MYLK: variants seen among roughly 807,000 people sequenced by gnomAD.
The protein encoded by MYLK is myosin light chain kinase.
MYLK carries 106 observed loss-of-function variants against 203.4 expected under a neutral mutation model. The observed-to-expected ratio is 0.52, with a 90% CI of 0.45 to 0.61. The LOEUF is 0.61. Ranked by LOEUF, MYLK falls within the 20% of genes least tolerant of loss-of-function variation. The probability of loss-of-function intolerance (pLI) is 0.00; values close to 1 mark genes in which losing one functional copy is unlikely to be tolerated. For synonymous variants in MYLK, 867 were observed against 959.5 expected (o/e 0.90, Z 1.78); for missense variants, 2,072 against 2,442.3 (o/e 0.85, Z 3.20).
In MYLK at chr3:123,685,947, G is replaced by A. The variant is rs370617965; in HGVS notation, c.3566-3637C>T. On this transcript the variant is annotated intron_variant, in intron 19 of 33. Transcript: ENST00000360304. ...AGACTCGGAGCCCCAGGGGGTGGCC[G>A]CGCTCCACTTGAAGTGTCAGCACGG... Among the ~76,000 whole-genome samples the A allele has an allele frequency of 6.0e-3, 910 of 152,250 alleles. 13 individuals are homozygous for A. The highest frequency in any genetic ancestry group is 0.021 in the African/African-American group (869 of 41,548).
At chr3:123,768,348 C>T (rs1305944719) in intron 4 of MYLK, among the ~76,000 whole-genome samples, 3 of 152,216 alleles carry the variant, frequency 2.0e-5, no homozygotes, top group African/African-American at 7.2e-5. Context: ...GTTTCTTCTG[C>T]CCCTGGGAAG....
chr3:123,878,559 G>A (rs1259172178), intron 1 of MYLK, among the ~76,000 whole-genome samples: 1 of 152,204 alleles, frequency 6.6e-6, no homozygotes, highest in African/African-American at 2.4e-5. Context: ...TAGAGAAGCA[G>A]GTGGGCAGAT....
At chr3:123,874,480 A>G (rs184816529) in intron 2 of MYLK, among the ~76,000 whole-genome samples, 1 of 152,300 alleles carries the variant, frequency 6.6e-6, no homozygotes, top group Admixed American at 6.5e-5. Flanking sequence ...ATGTATAAAA[A>G]TTAACTTAAA....
At chr3:123,721,814 G>A (rs2062097991) in intron 13 of MYLK, among the ~76,000 whole-genome samples, 2 of 147,084 alleles carry the variant, frequency 1.4e-5, no homozygotes, top group African/African-American at 4.9e-5. Flanking sequence ...CATGGCCCCA[G>A]TGGAGTGAGG....
rs749436978 is a variant in MYLK at position 123,793,724 on chromosome 3, G to A, written c.118C>T (p.Arg40Trp). 9.3e-6 allele frequency: 15 copies of A among 1,614,034 alleles called. No homozygotes were observed. Among genetic ancestry groups the A allele is most frequent in the African/African-American group, 6.7e-5 (5 of 74,924 alleles). ...TEAPAFILPPRNLCIKEGATA... is the reference protein window; with the variant it reads ...TEAPAFILPPWNLCIKEGATA... ...GCTCCTTCTTTGATGCAGAGGTTCC[G>A]AGGGGGCAAAATGAAAGCAGGGGCC... The change falls in exon 4 of 34, where the codon CGG becomes TGG. Residue 40 changes from arginine (R) to tryptophan (W), a missense_variant. Physicochemically the swap from Arg to Trp is moderately radical, Grantham distance 101. Around this residue, in one of 3 missense-constraint regions of MYLK, gnomAD observed 683 missense variants for 643.8 expected, o/e 1.06. Transcript: ENST00000360304.
rs2061665698 is a variant in MYLK at position 123,710,866 on chromosome 3, C to T, written c.1805-973G>A. ...AGTAAAACAAATTGTGATATATCCACACAATGGAATATTACTCAGCAACAC... is the reference window on the plus strand; with the variant it reads ...AGTAAAACAAATTGTGATATATCCATACAATGGAATATTACTCAGCAACAC... On this transcript the variant is annotated intron_variant, in intron 13 of 33. Coordinates refer to ENST00000360304, the MANE Select transcript of MYLK (RefSeq NM_053025.4). Among the ~76,000 whole-genome samples, 9 of 152,282 alleles carry T rather than the reference C, an allele frequency of 5.9e-5. No individual in the cohort carries two copies. The South Asian group carries it at 1.9e-3, about 32-fold the overall frequency.
intron 4 of MYLK, among the ~76,000 whole-genome samples, chr3:123,757,462 C>A (rs2108906299): frequency 6.6e-6 from 1 of 152,278 alleles, no homozygotes; most frequent in Middle Eastern, 3.4e-3. Context: ...TGCGGTGGCC[C>A]AACCGCAGAT....
chr3:123,789,659 CAA>C (rs745766578), intron 4 of MYLK, among the ~76,000 whole-genome samples: 1,093 of 78,612 alleles, frequency 0.014, 11 homozygotes, highest in African/African-American at 0.046. Context: ...GCTGGCAAAG[CAA>C]AAAAAAAAAA....
chr3:123,749,976 G>A (rs974889840), intron 5 of MYLK, among the ~76,000 whole-genome samples: 1 of 152,228 alleles, frequency 6.6e-6, no homozygotes, highest in South Asian at 2.1e-4. Flanking sequence ...TGGAGGGAAG[G>A]CAGTTGGGCT....
At chr3:123,679,318 A>AAC (rs2060182709) in intron 20 of MYLK, among the ~76,000 whole-genome samples, 1 of 151,762 alleles carries the variant, frequency 6.6e-6, no homozygotes. Flanking sequence ...AAAAAAAAAA[A>AAC]AAAACAAAAC....
intron 11 of MYLK, among the ~76,000 whole-genome samples, chr3:123,727,370 T>C (rs1335482804): frequency 2.0e-5 from 3 of 152,122 alleles, no homozygotes; most frequent in Admixed American, 6.5e-5. Context: ...TTGGGAGTTA[T>C]CAAAAAAGGA....
rs191841259 is a variant in MYLK at position 123,637,269 on chromosome 3, G to A, written c.4961+802C>T. On this transcript the variant is annotated intron_variant, in intron 29 of 33. Coordinates refer to ENST00000360304, the MANE Select transcript of MYLK (RefSeq NM_053025.4). Reference sequence around the variant, plus strand: ...GGGACTAAAGCAGCCAGACCCCACCGACAGAGTGTTCTCAAGCCTTGTTAC... The same window carrying A: ...GGGACTAAAGCAGCCAGACCCCACCAACAGAGTGTTCTCAAGCCTTGTTAC... 1.2e-4 allele frequency among the ~76,000 whole-genome samples: 18 copies of A among 152,264 alleles called. No homozygotes were observed. The East Asian group carries it at 2.3e-3, about 20-fold the overall frequency.
chr3:123,738,623 C>G (rs2062758541), intron 7 of MYLK, among the ~76,000 whole-genome samples: 1 of 152,152 alleles, frequency 6.6e-6, no homozygotes. Context: ...TTTTCTCATG[C>G]TATTCTCATG....
chr3:123,828,618 A>G (rs913644403), intron 3 of MYLK, among the ~76,000 whole-genome samples: 1 of 152,200 alleles, frequency 6.6e-6, no homozygotes. Flanking sequence ...ATTATATCAA[A>G]TGAAAATGTT....
chr3:123,747,262 G>A (rs1438725605), intron 5 of MYLK, among the ~76,000 whole-genome samples: 1 of 152,162 alleles, frequency 6.6e-6, no homozygotes, highest in Admixed American at 6.5e-5. Flanking sequence ...GTGACAGGGG[G>A]TCATTCTCCC....
chr3:123,699,349 A>G (rs1223834237), intron 18 of MYLK, among the ~76,000 whole-genome samples: 3 of 152,074 alleles, frequency 2.0e-5, no homozygotes, highest in Non-Finnish European at 2.9e-5. Context: ...TCTCCCCACC[A>G]TCCAAGAATG....
intron 4 of MYLK, among the ~76,000 whole-genome samples, chr3:123,774,843 C>A (rs1004364402): frequency 6.6e-6 from 1 of 152,078 alleles, no homozygotes; most frequent in African/African-American, 2.4e-5. Context: ...AATATACCGA[C>A]CATAGAGCAT....
chr3:123,727,630 A>G (rs760814552), intron 11 of MYLK, among the ~76,000 whole-genome samples: 48 of 152,006 alleles, frequency 3.2e-4, no homozygotes, highest in Non-Finnish European at 6.5e-4. Context: ...GTGCATAGAG[A>G]CTCTACTTGA....
intron 1 of MYLK, among the ~76,000 whole-genome samples, chr3:123,876,975 G>A (rs2033188560): frequency 6.6e-6 from 1 of 152,198 alleles, no homozygotes; most frequent in African/African-American, 2.4e-5. Context: ...GAATTTTACA[G>A]GGACTTATTT....
Sources: allele counts gnomAD v4.1 joint callset (sites outside exome capture counted in the v4.1 genomes callset), GRCh38; gene constraint gnomAD v4.1.1; regional missense constraint gnomAD v4.1.1; transcripts MANE v1.5; gene names NCBI Gene and HGNC (gene_info 2026-07-23, HGNC 2026-07-21).